TFAP2A: variants seen among roughly 807,000 people sequenced by gnomAD.
The protein encoded by TFAP2A is transcription factor AP-2 alpha.
A neutral mutation model predicts 41.5 loss-of-function variants in TFAP2A; 7 were observed. The observed-to-expected ratio is 0.17, with a 90% CI of 0.10 to 0.32. TFAP2A has a LOEUF of 0.32. Ranked by LOEUF, TFAP2A falls within the 10% of genes least tolerant of loss-of-function variation. The pLI, the probability that TFAP2A is intolerant of heterozygous loss-of-function variation, is 1.00. For synonymous variants in TFAP2A, 247 were observed against 242.8 expected, an observed-to-expected ratio of 1.02 and a Z score of -0.16; for missense variants, 416 against 563.3, an observed-to-expected ratio of 0.74 and a Z score of 2.65.
intron 2 of TFAP2A, 126 bp from the exon 3 acceptor site, chr6:10,406,970 A>G (rs997351598): frequency 6.3e-6 from 5 of 792,954 alleles, no homozygotes; most frequent in Non-Finnish European, 1.1e-5. Flanking sequence ...AATGACATTT[A>G]TATATAAACA....
chr6:10,408,339 T>C (rs746439383), intron 2 of TFAP2A, among the ~76,000 whole-genome samples: 8 of 152,226 alleles, frequency 5.3e-5, no homozygotes, highest in Non-Finnish European at 8.8e-5. Context: ...CTGACCAATT[T>C]TGCCACAAAG....
At chr6:10,411,901 AG>A (rs1465252841) in intron 1 of TFAP2A, 74 of 1,265,962 alleles carry the variant, frequency 5.8e-5, no homozygotes, top group Non-Finnish European at 7.2e-5. Context: ...AAAAGGAAAA[AG>A]TATGTGTGAG....
At chr6:10,406,962 T>C in intron 2 of TFAP2A, 118 bp from the exon 3 acceptor site, 6 of 838,516 alleles carry the variant, frequency 7.2e-6, no homozygotes, top group Admixed American at 3.5e-5. Flanking sequence ...TCCCGTATAA[T>C]GACATTTATA....
intron 1 of TFAP2A, among the ~76,000 whole-genome samples, chr6:10,410,569 T>C (rs1041016421): frequency 2.0e-5 from 3 of 152,110 alleles, no homozygotes; most frequent in African/African-American, 7.2e-5. Context: ...AGGGGTTTCT[T>C]TCAAAGAGAG....
rs775472363 is a variant in TFAP2A, at chr6:10,398,405, G to A, written c.*12C>T. The A allele has an allele frequency of 4.3e-6, 7 of 1,612,906 alleles. No homozygotes were observed. Among genetic ancestry groups the A allele is most frequent in the Admixed American group, 3.3e-5 (2 of 59,986 alleles). On this transcript the variant is annotated 3_prime_UTR_variant, in exon 7 of 7. Coordinates refer to ENST00000379613, the MANE Select transcript of TFAP2A (RefSeq NM_001372066.1). This position sits in a 1 kb window ranked among gnomAD's most constrained non-coding sequence, Gnocchi z 5.3. ...TGGTGAGGCGTGGGAGGGGCGGGGCGGGAGGAGAGCCTCACTTTCTGTGCT... is the reference window on the plus strand; with the variant it reads ...TGGTGAGGCGTGGGAGGGGCGGGGCAGGAGGAGAGCCTCACTTTCTGTGCT...
In TFAP2A at chr6:10,415,015, C is replaced by G. The variant is rs1385300987; in HGVS notation, c.-24G>C. On this transcript the variant is annotated 5_prime_UTR_variant, in exon 1 of 7. Transcript: ENST00000379613. ...ATGGATCGGCGTGAACGGATATGCC[C>G]CTCTCGGTCTCGCACCCAAGTGGAG... 6.2e-7 allele frequency: 1 copy of G among 1,614,102 alleles called. No individual in the cohort carries two copies. The highest frequency in any genetic ancestry group is 1.7e-5 in the Admixed American group (1 of 60,032).
intron 2 of TFAP2A, chr6:10,407,045 C>A: frequency 1.7e-6 from 1 of 600,332 alleles, no homozygotes; most frequent in Non-Finnish European, 3.0e-6. Flanking sequence ...ACACCCATGG[C>A]CAATTTCTCC....
chr6:10,419,467 T>C (rs764375828), upstream of TFAP2A: 56 of 1,613,606 alleles, frequency 3.5e-5, no homozygotes, highest in Non-Finnish European at 4.4e-5. Flanking sequence ...TCTGCGCTCC[T>C]GGCGACTGGT....
Position 10,406,784 on chromosome 6 carries a change from A to G in TFAP2A, c.538+9T>C, listed in dbSNP as rs773939610. ...GGACATGCTTGGAATGCAGAAGGAA[A>G]TGGCTTACCTTTCTTAATTACAGTT... is the stretch of plus-strand genomic sequence containing the variant. On this transcript the variant is annotated intron_variant, in intron 3 of 6. Coordinates refer to ENST00000379613, the MANE Select transcript of TFAP2A (RefSeq NM_001372066.1). 5.6e-6 allele frequency: 9 copies of G among 1,611,146 alleles called. No individual in the cohort carries two copies. Among genetic ancestry groups the G allele is most frequent in the Non-Finnish European group, 6.8e-6 (8 of 1,177,378 alleles).
At position 10,410,276 on chromosome 6, in the gene TFAP2A, A is replaced by C. The variant is rs746272068; in HGVS notation, c.111T>G (p.Gly37=). 3.7e-6 allele frequency: 6 copies of C among 1,612,114 alleles called. No individual in the cohort carries two copies. In the South Asian group the frequency reaches 6.6e-5, roughly 18 times the overall value. Residue 37 remains glycine (G), a synonymous_variant, in exon 2 of 7, where the codon GGT becomes GGG. Transcript: ENST00000379613. ...GCGGGGCGCTCGTGTAGGGAGATTG[A>C]CCTACAGTGCCCAGCTGGGGCAACC... The part of the protein sequence containing the change: ...TARLPQLGTV[G]QSPYTSAPPL...
At position 10,404,722 on chromosome 6, in the gene TFAP2A, T is replaced by G; in HGVS notation, c.556A>C (p.Lys186Gln). The change falls in exon 4 of 7, where the codon AAG becomes CAG. Residue 186 changes from lysine to glutamine, a missense_variant. Coordinates refer to ENST00000379613, the MANE Select transcript of TFAP2A (RefSeq NM_001372066.1). ...GCGGAGACGGCATTGCTGTTGGACT[T>G]GGACAGGGACACGGGGCCTGCGGAG... is the stretch of plus-strand genomic sequence containing the variant. ...VIKKGPVSLS[K>Q]SNSNAVSAIP... 6.2e-7 allele frequency: 1 copy of G among 1,614,168 alleles called. No homozygotes were observed. The highest frequency in any genetic ancestry group is 8.5e-7 in the Non-Finnish European group (1 of 1,179,998).
Position 10,397,558 on chromosome 6 carries a change from C to T in TFAP2A, c.*859G>A, listed in dbSNP as rs1761814285. ...ATTCATGAATCCCAGAGAAAAAAAT[C>T]CCCCAAACACTGGATTTCTAAATCA... is the stretch of plus-strand genomic sequence containing the variant. On this transcript the variant is annotated 3_prime_UTR_variant, in exon 7 of 7. Coordinates refer to ENST00000379613, the MANE Select transcript of TFAP2A (RefSeq NM_001372066.1). The T allele has an allele frequency of 6.6e-6, 1 of 152,154 alleles. No individual in the cohort carries two copies. The highest frequency in any genetic ancestry group is 2.1e-4 in the South Asian group (1 of 4,828). The allele number at this position is 152,154 out of a possible 1,614,324, so 9.4% of individuals were successfully genotyped here. A position where few individuals can be genotyped will look rare whatever the true frequency, so the allele number is the denominator to read the frequency against.
chr6:10,406,501 T>C (rs942282268), intron 3 of TFAP2A: 49 of 469,362 alleles, frequency 1.0e-4, no homozygotes, highest in Non-Finnish European at 1.6e-4. Context: ...TGTTTCAAAA[T>C]TGAAATGCCA....
rs1272630405 is a variant in TFAP2A, at chr6:10,404,657, C to T, written c.621G>A (p.Val207=). Residue 207 remains valine (V), a synonymous_variant, in exon 4 of 7, where the codon GTG becomes GTA. Coordinates refer to ENST00000379613, the MANE Select transcript of TFAP2A (RefSeq NM_001372066.1). ...CTGAACAGAAGACTTCGTTGGGGTT[C>T]ACCACGCCGCCGAAGAGGTTGTCCT... ...INKDNLFGGV[V]NPNEVFCSVP... 1 of 1,614,186 alleles carries T rather than the reference C, an allele frequency of 6.2e-7. No individual in the cohort carries two copies. The highest frequency in any genetic ancestry group is 8.5e-7 in the Non-Finnish European group (1 of 1,180,022).
intron 1 of TFAP2A, chr6:10,414,686 GC>G (rs1758168460): frequency 1.6e-6 from 1 of 615,234 alleles, no homozygotes; most frequent in Non-Finnish European, 2.9e-6. Context: ...CTTAGGCACA[GC>G]CAAAATTGGT....
rs757277133 is a variant in TFAP2A at position 10,414,948 on chromosome 6, T to C, written c.44A>G (p.Asp15Gly). ...AGCCGGCGTCGCGCTTACCTCGCAG[T>C]CCTCGTACTTGATATTATCCGTCAA... ...WKLTDNIKYE[D>G]CEDRHDGTSN... The change falls in exon 1 of 7, where the codon GAC becomes GGC. Residue 15 changes from aspartate to glycine, a missense_variant. Asp to Gly is a moderately conservative substitution (Grantham distance 94). Transcript: ENST00000379613. 1 of 1,613,762 alleles carries C rather than the reference T, an allele frequency of 6.2e-7. No individual in the cohort carries two copies. The highest frequency in any genetic ancestry group is 1.7e-5 in the Admixed American group (1 of 60,000).
upstream of TFAP2A, chr6:10,419,499 G>A (rs368990128): frequency 4.3e-6 from 7 of 1,612,634 alleles, no homozygotes; most frequent in African/African-American, 1.3e-5. Flanking sequence ...ATGGGCTGGA[G>A]GGCTCGGTCG....
At chr6:10,404,259 G>A (rs559741818) in intron 4 of TFAP2A, among the ~76,000 whole-genome samples, 1 of 152,194 alleles carries the variant, frequency 6.6e-6, no homozygotes, top group Admixed American at 6.5e-5. Context: ...GCGCGGCAGC[G>A]AACGAAGCGC....
At chr6:10,415,512 T>G (rs1259164292), upstream of TFAP2A, 5 of 224,128 alleles carry the variant, frequency 2.2e-5, no homozygotes, top group East Asian at 5.3e-4. Flanking sequence ...TTCCGCCACA[T>G]TCCCCTTCCT....
Sources: gnomAD v4.1 joint callset for allele counts (sites outside exome capture counted in the v4.1 genomes callset) on GRCh38, gnomAD v4.1.1 for gene constraint, Gnocchi (gnomAD v3.1) non-coding constraint, MANE v1.5 for transcripts, NCBI Gene and HGNC (gene_info 2026-07-23, HGNC 2026-07-21) for gene names.